Variants in IL18R1 observed in about 807,000 individuals in gnomAD.
IL18R1 encodes interleukin-18 receptor 1.
IL18R1 carries 40 observed loss-of-function variants against 48.5 expected under a neutral mutation model. The observed-to-expected ratio is 0.82, with a 90% confidence interval of 0.64 to 1.07. The LOEUF (loss-of-function observed/expected upper bound fraction) is 1.07, where lower values mean the gene tolerates loss of function less well. Among genes scored for constraint, IL18R1 ranks in the 50% least tolerant of loss-of-function variants. The pLI is 0.00. For synonymous variants in IL18R1, 232 were observed against 225.9 expected (o/e 1.03, Z -0.24); for missense variants, 596 against 633.7 (o/e 0.94, Z 0.64).
chr2:102,381,967 G>A (rs1679946879), intron 6 of IL18R1, among the ~76,000 whole-genome samples: 1 of 152,028 alleles, frequency 6.6e-6, no homozygotes. Flanking sequence ...TCTCTCTATG[G>A]TCATTTCTAA....
intron 9 of IL18R1, among the ~76,000 whole-genome samples, chr2:102,392,833 G>T: frequency 6.6e-6 from 1 of 152,052 alleles, no homozygotes; most frequent in African/African-American, 2.4e-5. Context: ...TGAATATAGA[G>T]AATAAAAACA....
rs11465595 is a variant in IL18R1, at chr2:102,370,422, AAC to A, written c.303-1526_303-1525del. On this transcript the variant is annotated intron_variant, in intron 3 of 10. Coordinates refer to ENST00000233957, the MANE Select transcript of IL18R1 (RefSeq NM_003855.5). ...GTCAAAGTTGGGGAGACATTACGAAAACACACTTGAGAAGAAGGTGCTGCCAA... is the reference window on the plus strand; with the variant it reads ...GTCAAAGTTGGGGAGACATTACGAAAACACTTGAGAAGAAGGTGCTGCCAA... 5.4e-3 allele frequency among the ~76,000 whole-genome samples: 821 copies of A among 152,314 alleles called. 16 individuals carry two copies. Among genetic ancestry groups the A allele is most frequent in the African/African-American group, 0.019 (788 of 41,564 alleles).
At chr2:102,387,620 T>C (rs1325102971) in intron 8 of IL18R1, among the ~76,000 whole-genome samples, 2 of 152,228 alleles carry the variant, frequency 1.3e-5, no homozygotes, top group Admixed American at 6.5e-5. Flanking sequence ...TGGCTGTGAC[T>C]GGAGCCAGAA....
At position 102,372,124 on chromosome 2, in the gene IL18R1, G is replaced by A; in HGVS notation, c.468+6G>A. 1 of 1,566,954 alleles carries A rather than the reference G, an allele frequency of 6.4e-7. No individual in the cohort carries two copies. Reference sequence around the variant, plus strand: ...ACAGCACATCATTGTATAAGGTAATGCTTTTATAATATTTTAACTTTAAGA... The same window carrying A: ...ACAGCACATCATTGTATAAGGTAATACTTTTATAATATTTTAACTTTAAGA... On this transcript the variant is annotated splice_donor_region_variant and intron_variant, in intron 4 of 10. Transcript: ENST00000233957.
Position 102,356,293 on chromosome 2 carries a change from G to A in IL18R1, c.-136G>A. ...CACTTTCCACGGTAGTCAGGAGGCG[G>A]AGATCGCTGCTTCTCACCTACTTTC... On this transcript the variant is annotated 5_prime_UTR_variant, in exon 1 of 11. Coordinates refer to ENST00000233957, the MANE Select transcript of IL18R1 (RefSeq NM_003855.5). 1.9e-5 allele frequency: 19 copies of A among 975,936 alleles called. No individual in the cohort carries two copies. Among genetic ancestry groups the A allele is most frequent in the Non-Finnish European group, 2.3e-5 (19 of 821,786 alleles). The allele number at this position is 975,936 out of a possible 1,614,324, so 60.5% of individuals were successfully genotyped here. A position where few individuals can be genotyped will look rare whatever the true frequency, so the allele number is the denominator to read the frequency against.
Position 102,396,990 on chromosome 2 carries a change from C to A in IL18R1, c.*104C>A. 1.5e-6 allele frequency: 1 copy of A among 685,906 alleles called. No individual in the cohort carries two copies. The allele number at this position is 685,906 out of a possible 1,614,324, so 42.5% of individuals were successfully genotyped here. A position where few individuals can be genotyped will look rare whatever the true frequency, so the allele number is the denominator to read the frequency against. ...TGTGACTCGAAATAATTAACTTTGT[C>A]AAAATCCTGCTCACAATTTGAAGAT... On this transcript the variant is annotated 3_prime_UTR_variant, in exon 11 of 11. Coordinates refer to ENST00000233957, the MANE Select transcript of IL18R1 (RefSeq NM_003855.5).
chr2:102,391,291 G>A (rs1445843587), intron 9 of IL18R1, among the ~76,000 whole-genome samples: 1 of 151,976 alleles, frequency 6.6e-6, no homozygotes, highest in African/African-American at 2.4e-5. Flanking sequence ...TAGCACATCT[G>A]ACCAAATATC....
intron 9 of IL18R1, among the ~76,000 whole-genome samples, chr2:102,394,069 T>C (rs1680690820): frequency 6.6e-6 from 1 of 152,132 alleles, no homozygotes; most frequent in Non-Finnish European, 1.5e-5. Flanking sequence ...TTCACCTTCT[T>C]GGGGGTCTTT....
intron 7 of IL18R1, 68 bp downstream of exon 7, chr2:102,385,066 C>T (rs1680153016): frequency 1.2e-6 from 1 of 819,738 alleles, no homozygotes; most frequent in Non-Finnish European, 1.8e-6. Flanking sequence ...TATATAACAT[C>T]ATATTAAAAA....
At chr2:102,369,703 C>A (rs764758365) in intron 3 of IL18R1, among the ~76,000 whole-genome samples, 1 of 152,150 alleles carries the variant, frequency 6.6e-6, no homozygotes. Context: ...AGGTGTGTAA[C>A]CCTTTGCAGT....
At chr2:102,368,955 C>T (rs1032070924) in intron 3 of IL18R1, among the ~76,000 whole-genome samples, 1 of 152,148 alleles carries the variant, frequency 6.6e-6, no homozygotes, top group Non-Finnish European at 1.5e-5. Context: ...ACCTTGGTAG[C>T]ACTTCTGTAG....
intron 7 of IL18R1, 24 bp from the exon 8 acceptor site, chr2:102,386,837 C>A: frequency 6.2e-7 from 1 of 1,613,030 alleles, no homozygotes; most frequent in Non-Finnish European, 8.5e-7. Context: ...GAGCCTACTG[C>A]TAAATTATTT....
At position 102,385,001 on chromosome 2, in the gene IL18R1, A is replaced by G. The variant is rs200122759; in HGVS notation, c.809+3A>G. ...GAAGAGAAAGAAATGAGAATTATGT[A>G]TGTATGTGTAATATATATGTCATGA... On this transcript the variant is annotated splice_donor_region_variant and intron_variant, in intron 7 of 10. Coordinates refer to ENST00000233957, the MANE Select transcript of IL18R1 (RefSeq NM_003855.5). The G allele has an allele frequency of 7.9e-5, 117 of 1,480,320 alleles. No individual in the cohort carries two copies. The highest frequency in any genetic ancestry group is 5.6e-4 in the Admixed American group (33 of 59,266). The allele number at this position is 1,480,320 out of a possible 1,614,324, so 91.7% of individuals were successfully genotyped here.
rs999790898 is a variant in IL18R1 at position 102,376,989 on chromosome 2, T to C, written c.625+926T>C. Among the ~76,000 whole-genome samples, 3 of 152,364 alleles carry C rather than the reference T, an allele frequency of 2.0e-5. No individual in the cohort carries two copies. In the East Asian group the frequency reaches 5.8e-4, roughly 29 times the overall value. ...AAGAATTTCACAGATTAAATCTGGC[T>C]CCTTCTTAAAATGACAGCTCCTTTC... On this transcript the variant is annotated intron_variant, in intron 5 of 10. Coordinates refer to ENST00000233957, the MANE Select transcript of IL18R1 (RefSeq NM_003855.5).
At chr2:102,368,917 T>C (rs955363839) in intron 3 of IL18R1, among the ~76,000 whole-genome samples, 4 of 152,114 alleles carry the variant, frequency 2.6e-5, no homozygotes, top group Admixed American at 6.5e-5. Context: ...ACCATGCTGT[T>C]GAGAGCAGAG....
chr2:102,390,463 T>C (rs1159447779), intron 9 of IL18R1, among the ~76,000 whole-genome samples: 1 of 152,164 alleles, frequency 6.6e-6, no homozygotes, highest in African/African-American at 2.4e-5. Flanking sequence ...CATAGCTTCC[T>C]AAATGCCCTG....
intron 9 of IL18R1, among the ~76,000 whole-genome samples, chr2:102,391,911 T>A (rs1680583440): frequency 7.0e-6 from 1 of 142,490 alleles, no homozygotes; most frequent in East Asian, 1.9e-4. Context: ...AATGGCTTTA[T>A]TTTGCGTATT....
chr2:102,396,888 C>A lies in IL18R1; in HGVS notation c.*2C>A. 6.4e-7 allele frequency: 1 copy of A among 1,559,056 alleles called. No homozygotes were observed. The highest frequency in any genetic ancestry group is 8.7e-7 in the Non-Finnish European group (1 of 1,153,472). On this transcript the variant is annotated 3_prime_UTR_variant, in exon 11 of 11. Transcript: ENST00000233957. ...TTGCCTGTTCTTTCCGAGTCTTAAT[C>A]TTCAGAAACAGTGAACGCCAAAAAG...
intron 5 of IL18R1, among the ~76,000 whole-genome samples, chr2:102,378,082 G>T (rs1355087174): frequency 1.3e-5 from 2 of 152,022 alleles, no homozygotes; most frequent in African/African-American, 2.4e-5. Flanking sequence ...GATACTTTCA[G>T]AACCTACACC....
Sources: gnomAD v4.1 joint callset for allele counts (sites outside exome capture counted in the v4.1 genomes callset) on GRCh38, gnomAD v4.1.1 for gene constraint, MANE v1.5 for transcripts, NCBI Gene and HGNC (gene_info 2026-07-23, HGNC 2026-07-21) for gene names.